Variants in DEPDC1 observed in about 807,000 individuals in gnomAD.
DEPDC1 encodes the protein DEP domain-containing protein 1A.
In DEPDC1, 66 loss-of-function variants were observed where a neutral mutation model predicts 86.8. The observed-to-expected ratio is 0.76, with a 90% CI of 0.62 to 0.93. The LOEUF is 0.93. Ranked by LOEUF, DEPDC1 falls within the 40% of genes least tolerant of loss-of-function variation. The pLI is 0.00. For synonymous variants in DEPDC1, 255 were observed against 314.9 expected (o/e 0.81, Z 2.02); for missense variants, 792 against 935.7 (o/e 0.85, Z 2.00).
At chr1:68,488,634 C>T (rs949585924) in intron 4 of DEPDC1, 130 bp from the exon 5 acceptor site, 11 of 760,810 alleles carry the variant, frequency 1.4e-5, no homozygotes, top group Admixed American at 1.3e-4. Context: ...ATTTAGTATC[C>T]CCTTTCAAAT....
At chr1:68,478,136 T>C (rs1646130155) in intron 10 of DEPDC1, among the ~76,000 whole-genome samples, 164 bp from the exon 11 acceptor site, 2 of 151,976 alleles carry the variant, frequency 1.3e-5, no homozygotes, top group Admixed American at 6.6e-5. Flanking sequence ...GTCAGTAGGT[T>C]CTAAACCCCA....
At chr1:68,489,333 TAGGTTAGG>T in intron 3 of DEPDC1, 111 bp downstream of exon 3, 1 of 655,128 alleles carries the variant, frequency 1.5e-6, no homozygotes, top group Non-Finnish European at 2.4e-6. Flanking sequence ...GAATGTAATG[TAGGTTAGG>T]AGGTTTCAGT....
At chr1:68,488,313 T>A in intron 5 of DEPDC1, 61 bp downstream of exon 5, 1 of 1,492,604 alleles carries the variant, frequency 6.7e-7, no homozygotes, top group Non-Finnish European at 8.9e-7. Context: ...CTCTTTACAC[T>A]ACTATAGCTG....
intron 9 of DEPDC1, among the ~76,000 whole-genome samples, chr1:68,479,659 C>G (rs573605110): frequency 6.6e-6 from 1 of 151,836 alleles, no homozygotes; most frequent in African/African-American, 2.4e-5. Flanking sequence ...AAAAACTAGC[C>G]AGGCATGATG....
At chr1:68,480,282 A>ACC (rs1553155665) in intron 9 of DEPDC1, among the ~76,000 whole-genome samples, 1 of 149,818 alleles carries the variant, frequency 6.7e-6, no homozygotes, top group Non-Finnish European at 1.5e-5. Flanking sequence ...ACACACACAC[A>ACC]CCCCTCATTC....
rs1646264868 is a variant in DEPDC1, at chr1:68,496,316, G to C, written c.48+636C>G. 6.6e-6 allele frequency among the ~76,000 whole-genome samples: 1 copy of C among 152,098 alleles called. No homozygotes were observed. Among genetic ancestry groups the C allele is most frequent in the Non-Finnish European group, 1.5e-5 (1 of 68,032 alleles). ...ACAGAAGGTAGGGGACTCACCTAAC[G>C]TCACATAACCAGCACCACAGTATCC... is the stretch of plus-strand genomic sequence containing the variant. On this transcript the variant is annotated intron_variant, in intron 1 of 11. Coordinates refer to ENST00000456315, the MANE Select transcript of DEPDC1 (RefSeq NM_001114120.3). The surrounding 1 kb of genome is among the most constrained non-coding windows in gnomAD (Gnocchi z 4.0).
rs1646264921 is a variant in DEPDC1, at chr1:68,496,323, A to T, written c.48+629T>A. 6.6e-6 allele frequency among the ~76,000 whole-genome samples: 1 copy of T among 152,200 alleles called. No individual in the cohort carries two copies. The highest frequency in any genetic ancestry group is 1.5e-5 in the Non-Finnish European group (1 of 68,034). On this transcript the variant is annotated intron_variant, in intron 1 of 11. Coordinates refer to ENST00000456315, the MANE Select transcript of DEPDC1 (RefSeq NM_001114120.3). This position sits in a 1 kb window ranked among gnomAD's most constrained non-coding sequence, Gnocchi z 4.0. ...GTAGGGGACTCACCTAACGTCACAT[A>T]ACCAGCACCACAGTATCCTATAGAA... is the stretch of plus-strand genomic sequence containing the variant.
At chr1:68,484,189 T>G in intron 6 of DEPDC1, 99 bp from the exon 7 acceptor site, 5 of 897,550 alleles carry the variant, frequency 5.6e-6, no homozygotes, top group Non-Finnish European at 7.9e-6. Flanking sequence ...ATGAAGGAGC[T>G]AGGTTTAACA....
Position 68,496,925 on chromosome 1 carries a change from C to A in DEPDC1, c.48+27G>T, listed in dbSNP as rs1320820125. 1.2e-6 allele frequency: 2 copies of A among 1,602,192 alleles called. No individual in the cohort carries two copies. The highest frequency in any genetic ancestry group is 1.1e-5 in the South Asian group (1 of 90,648). ...TGGTGACTGCCGTCAGCCCGCTGAC[C>A]GGTCCCGTCTATCCGAGCTGTCTTA... On this transcript the variant is annotated intron_variant, in intron 1 of 11. Coordinates refer to ENST00000456315, the MANE Select transcript of DEPDC1 (RefSeq NM_001114120.3). This position sits in a 1 kb window ranked among gnomAD's most constrained non-coding sequence, Gnocchi z 4.0.
At position 68,486,921 on chromosome 1, in the gene DEPDC1, C is replaced by CAT. The variant is rs71071309; in HGVS notation, c.769+14_769+15dup. On this transcript the variant is annotated intron_variant, in intron 6 of 11. Transcript: ENST00000456315. ...ACACACACACACACACACACACACA[C>CAT]ATATATTTAACTTACAATTTGCTAG... 6.8e-6 allele frequency: 10 copies of CAT among 1,468,030 alleles called. No individual in the cohort carries two copies. Among genetic ancestry groups the CAT allele is most frequent in the African/African-American group, 4.5e-5 (3 of 67,118 alleles). 90.9% of individuals were successfully genotyped at this position (1,468,030 alleles called of 1,614,324 possible).
At chr1:68,480,248 T>A (rs1225261672) in intron 9 of DEPDC1, among the ~76,000 whole-genome samples, 1 of 37,496 alleles carries the variant, frequency 2.7e-5, no homozygotes, top group Non-Finnish European at 8.2e-5. Flanking sequence ...ACCCTCTAAC[T>A]GTACCACACA....
intron 2 of DEPDC1, among the ~76,000 whole-genome samples, chr1:68,493,979 C>T (rs1448035125): frequency 1.3e-5 from 2 of 152,160 alleles, no homozygotes; most frequent in African/African-American, 4.8e-5. Context: ...GGATTACAGG[C>T]ATGAGCCACT....
In DEPDC1 at chr1:68,479,606, C is replaced by T. The variant is rs1646140089; in HGVS notation, c.1936-286G>A. Among the ~76,000 whole-genome samples, 4 of 151,910 alleles carry T rather than the reference C, an allele frequency of 2.6e-5. No individual in the cohort carries two copies. In the South Asian group the frequency reaches 8.3e-4, roughly 32 times the overall value. On this transcript the variant is annotated intron_variant, in intron 9 of 11. Coordinates refer to ENST00000456315, the MANE Select transcript of DEPDC1 (RefSeq NM_001114120.3). ...TCACTTGAGGCAAGGAGTTCGAAGCCAGCCTAGGCAACATAGTGAAACCCT... is the reference window on the plus strand; with the variant it reads ...TCACTTGAGGCAAGGAGTTCGAAGCTAGCCTAGGCAACATAGTGAAACCCT...
At chr1:68,481,865 A>G (rs1045004184) in intron 8 of DEPDC1, 181 bp downstream of exon 8, 2 of 669,148 alleles carry the variant, frequency 3.0e-6, no homozygotes, top group Non-Finnish European at 4.5e-6. Flanking sequence ...AAAAAAGAAA[A>G]TAAGTTCCTT....
chr1:68,480,791 A>G (rs74463076), intron 9 of DEPDC1, among the ~76,000 whole-genome samples: 131 of 152,086 alleles, frequency 8.6e-4, no homozygotes, highest in African/African-American at 3.0e-3. Flanking sequence ...CGTGGAAGAA[A>G]GCATAACTCC....
chr1:68,476,915 A>T lies in DEPDC1; in HGVS notation c.*17T>A. ...ATCAAAGTTCCACAAGTATTACATA[A>T]TTTTTAATTCAGTTAGTTATCTTAG... On this transcript the variant is annotated 3_prime_UTR_variant, in exon 12 of 12. Coordinates refer to ENST00000456315, the MANE Select transcript of DEPDC1 (RefSeq NM_001114120.3). The T allele has an allele frequency of 6.5e-7, 1 of 1,550,334 alleles. No individual in the cohort carries two copies. The highest frequency in any genetic ancestry group is 1.4e-5 in the African/African-American group (1 of 72,924).
In DEPDC1 at chr1:68,484,106, C is replaced by A; in HGVS notation, c.770-16G>T. The A allele has an allele frequency of 1.3e-6, 2 of 1,514,816 alleles. No individual in the cohort carries two copies. The highest frequency in any genetic ancestry group is 1.8e-6 in the Non-Finnish European group (2 of 1,136,026). 93.8% of individuals were successfully genotyped at this position (1,514,816 alleles called of 1,614,324 possible). ...CTTCTTGGCCCTAAGAAGTAGAAGG[C>A]AAGAGAAAAAGGTAAAGTATATTTT... is the stretch of plus-strand genomic sequence containing the variant. On this transcript the variant is annotated splice_polypyrimidine_tract_variant and intron_variant, in intron 6 of 11. Coordinates refer to ENST00000456315, the MANE Select transcript of DEPDC1 (RefSeq NM_001114120.3).
chr1:68,481,902 G>A lies in DEPDC1; in HGVS notation c.1762+144C>T, dbSNP rs555155508. ...GGTAAACAGAATAAATCTTGGTTATGTCACAGACAAAAGTCTTTTTAAATA... is the reference window on the plus strand; with the variant it reads ...GGTAAACAGAATAAATCTTGGTTATATCACAGACAAAAGTCTTTTTAAATA... On this transcript the variant is annotated intron_variant, in intron 8 of 11. Coordinates refer to ENST00000456315, the MANE Select transcript of DEPDC1 (RefSeq NM_001114120.3). 7.1e-6 allele frequency: 6 copies of A among 850,164 alleles called. No individual in the cohort carries two copies. In the South Asian group the frequency reaches 1.3e-4, roughly 18 times the overall value. The allele number at this position is 850,164 out of a possible 1,614,324, so 52.7% of individuals were successfully genotyped here. A position where few individuals can be genotyped will look rare whatever the true frequency, so the allele number is the denominator to read the frequency against.
Position 68,483,989 on chromosome 1 carries a change from G to C in DEPDC1, c.871C>G (p.Leu291Val). The change falls in exon 7 of 12, where the codon CTT becomes GTT. Residue 291 changes from leucine to valine, a missense_variant. Coordinates refer to ENST00000456315, the MANE Select transcript of DEPDC1 (RefSeq NM_001114120.3). ...DYFLDLPEPLLTFEYYELFVN... is the reference protein window; with the variant it reads ...DYFLDLPEPLVTFEYYELFVN... ...AATAATTCGTAATATTCAAAAGTAA[G>C]TAGAGGTTCAGGGAGATCTAGAAAA... 6.4e-7 allele frequency: 1 copy of C among 1,554,532 alleles called. No homozygotes were observed. Among genetic ancestry groups the C allele is most frequent in the Non-Finnish European group, 8.7e-7 (1 of 1,144,756 alleles).
Sources: allele counts gnomAD v4.1 joint callset (sites outside exome capture counted in the v4.1 genomes callset), GRCh38; gene constraint gnomAD v4.1.1; non-coding constraint Gnocchi (gnomAD v3.1); transcripts MANE v1.5; gene names NCBI Gene and HGNC (gene_info 2026-07-23, HGNC 2026-07-21).